Variants in KLHL29 observed in about 807,000 individuals in gnomAD.
KLHL29 encodes the protein kelch-like protein 29.
In KLHL29, 21 loss-of-function variants were observed where a neutral mutation model predicts 80.4. The ratio of observed to expected loss-of-function variants is 0.26; its 90% CI spans 0.19 to 0.38. The LOEUF (loss-of-function observed/expected upper bound fraction) is 0.38. Among genes scored for constraint, KLHL29 ranks in the 10% least tolerant of loss-of-function variants. The pLI is 1.00. For synonymous variants in KLHL29, 511 were observed against 526.8 expected (o/e 0.97, Z 0.41); for missense variants, 867 against 1,223.9 (o/e 0.71, Z 4.35).
intron 1 of KLHL29, among the ~76,000 whole-genome samples, chr2:23,392,753 G>A (rs187935487): frequency 6.6e-6 from 1 of 152,248 alleles, no homozygotes; most frequent in African/African-American, 2.4e-5. Context: ...ACCCCTATTC[G>A]TGTGTGCACA....
intron 2 of KLHL29, among the ~76,000 whole-genome samples, chr2:23,550,417 C>T (rs768003677): frequency 6.6e-6 from 1 of 152,172 alleles, no homozygotes; most frequent in Non-Finnish European, 1.5e-5. Flanking sequence ...GGCACTGGTG[C>T]TTAATGCTGG....
chr2:23,634,754 C>A (rs1252839155), intron 3 of KLHL29, among the ~76,000 whole-genome samples: 2 of 152,196 alleles, frequency 1.3e-5, no homozygotes, highest in South Asian at 4.1e-4. Context: ...ACACCCGGCC[C>A]CCATGACGTG....
chr2:23,462,951 A>G (rs543918175), intron 1 of KLHL29, among the ~76,000 whole-genome samples: 12 of 152,350 alleles, frequency 7.9e-5, no homozygotes, highest in Non-Finnish European at 1.5e-4. Context: ...CCTGGGCAAC[A>G]TAGCAAGACC....
chr2:23,552,129 G>A (rs570612568), intron 2 of KLHL29, among the ~76,000 whole-genome samples: 78 of 152,278 alleles, frequency 5.1e-4, no homozygotes, highest in Middle Eastern at 3.4e-3. Context: ...TGTTAATCAC[G>A]GGTCCTGTGT....
intron 1 of KLHL29, among the ~76,000 whole-genome samples, chr2:23,395,267 G>A (rs951996457): frequency 2.6e-5 from 4 of 152,156 alleles, no homozygotes; most frequent in African/African-American, 9.7e-5. Context: ...TGCTGTGGCC[G>A]TGACCCATGG....
chr2:23,472,037 G>A (rs1383431820), intron 1 of KLHL29, among the ~76,000 whole-genome samples: 9 of 139,704 alleles, frequency 6.4e-5, no homozygotes, highest in Non-Finnish European at 1.4e-4. Flanking sequence ...ATGAGTCAAG[G>A]ATCGTTTATA....
chr2:23,478,157 T>C (rs759693196), intron 2 of KLHL29, among the ~76,000 whole-genome samples: 2 of 152,200 alleles, frequency 1.3e-5, no homozygotes, highest in Non-Finnish European at 2.9e-5. Flanking sequence ...ATGGGAATCA[T>C]ACCTGATCTG....
chr2:23,706,519 G>A lies in KLHL29; in HGVS notation c.2483G>A (p.Gly828Asp), dbSNP rs1672735048. 4.6e-6 allele frequency: 7 copies of A among 1,535,354 alleles called. No homozygotes were observed. The highest frequency in any genetic ancestry group is 6.1e-6 in the Non-Finnish European group (7 of 1,145,998). ...GATGGCAAGATTTATGCAACTGGAG[G>A]TATTGTCAGCAGTGAAGGGCCCGCG... Reference protein sequence around the residue: ...VLDGKIYATGGIVSSEGPALG... With the variant: ...VLDGKIYATGDIVSSEGPALG... Residue 828 changes from glycine to aspartate, a missense_variant, in exon 14 of 14, where the codon GGT (glycine) becomes GAT (aspartate). By Grantham distance (94) the Gly-to-Asp change is moderately conservative. Around this residue, in one of 2 missense-constraint regions of KLHL29, gnomAD observed 443 missense variants for 767.0 expected, o/e 0.58. Transcript: ENST00000486442.
intron 1 of KLHL29, among the ~76,000 whole-genome samples, chr2:23,436,588 C>T (rs1172456266): frequency 1.3e-5 from 2 of 150,530 alleles, no homozygotes; most frequent in Non-Finnish European, 3.0e-5. Context: ...TTGTCGTTAG[C>T]AGTACAAAGC....
chr2:23,703,157 C>T, intron 11 of KLHL29, 29 bp from the exon 12 acceptor site: 1 of 1,397,984 alleles, frequency 7.2e-7, no homozygotes, highest in South Asian at 1.7e-5. Flanking sequence ...TCCATCTTGA[C>T]CCTGGGCTCT....
In KLHL29 at chr2:23,680,647, GTCTCTAGGCCATCTTCTCCTGGGC is replaced by G. The variant is rs1558436877; in HGVS notation, c.941-3735_941-3712del. 1.5e-4 allele frequency among the ~76,000 whole-genome samples: 22 copies of G among 150,086 alleles called. No homozygotes were observed. Among genetic ancestry groups the G allele is most frequent in the South Asian group, 4.3e-4 (2 of 4,664 alleles). ...GCTCTCTAGGCCATCTTCTCCTGGGGTCTCTAGGCCATCTTCTCCTGGGCTCTCTAGGCCATCTTCCCCTGGGGT... is the reference window on the plus strand; with the variant it reads ...GCTCTCTAGGCCATCTTCTCCTGGGGTCTCTAGGCCATCTTCCCCTGGGGT... On this transcript the variant is annotated intron_variant, in intron 5 of 13. Coordinates refer to ENST00000486442, the MANE Select transcript of KLHL29 (RefSeq NM_052920.2). The surrounding 1 kb of genome is among the most constrained non-coding windows in gnomAD (Gnocchi z 4.1).
intron 11 of KLHL29, among the ~76,000 whole-genome samples, chr2:23,701,387 G>A (rs1343944532): frequency 1.3e-5 from 2 of 152,178 alleles, no homozygotes; most frequent in Admixed American, 6.5e-5. Flanking sequence ...CTCTCTAGAT[G>A]CCAAATTTGA....
At chr2:23,545,827 C>T (rs552625627) in intron 2 of KLHL29, among the ~76,000 whole-genome samples, 1 of 152,324 alleles carries the variant, frequency 6.6e-6, no homozygotes, top group African/African-American at 2.4e-5. Context: ...AGGTTGGCAT[C>T]TGACACCAGA....
chr2:23,704,596 G>A (rs138215781), intron 13 of KLHL29, among the ~76,000 whole-genome samples: 35 of 152,262 alleles, frequency 2.3e-4, no homozygotes, highest in African/African-American at 7.7e-4. Context: ...GTAAAACCCC[G>A]ACTCTACTAA....
chr2:23,699,586 C>CCTGT (rs755118473), intron 11 of KLHL29, among the ~76,000 whole-genome samples: 76 of 152,312 alleles, frequency 5.0e-4, no homozygotes, highest in Admixed American at 1.4e-3. Flanking sequence ...TCCTTTCTCC[C>CCTGT]CTGTCTTGTC....
rs551261273 is a variant in KLHL29, at chr2:23,703,569, T to A, written c.2300-150T>A. The A allele has an allele frequency of 5.7e-4, 635 of 1,110,096 alleles. 1 individual carries two copies. The highest frequency in any genetic ancestry group is 4.4e-3 in the African/African-American group (279 of 63,498). The allele number at this position is 1,110,096 out of a possible 1,614,324, so 68.8% of individuals were successfully genotyped here. The stretch of plus-strand genomic sequence containing the variant: ...GGGGCAAGTGAGTCAAGGCTCCAGG[T>A]TCCCCTAGGCCCCGGACCCATCCCC... On this transcript the variant is annotated intron_variant, in intron 12 of 13. Coordinates refer to ENST00000486442, the MANE Select transcript of KLHL29 (RefSeq NM_052920.2).
intron 2 of KLHL29, among the ~76,000 whole-genome samples, chr2:23,506,362 A>G (rs1653765): frequency 0.42 from 64,173 of 152,100 alleles, 14,126 homozygotes; most frequent in Non-Finnish European, 0.46. Flanking sequence ...CACCTCTGCC[A>G]TGGAACTAAT....
intron 5 of KLHL29, chr2:23,643,059 A>C: frequency 2.8e-6 from 2 of 708,018 alleles, no homozygotes; most frequent in African/African-American, 1.7e-5. Context: ...GGGACAAACA[A>C]AGTGGGAAAA....
chr2:23,442,928 A>C lies in KLHL29; in HGVS notation c.-153-32632A>C, dbSNP rs139400047. ...GTTAAATATTTTATGGATGCCTTAC[A>C]GTCTTTCTGTTCAAGGTGGATGTTC... On this transcript the variant is annotated intron_variant, in intron 1 of 13. Transcript: ENST00000486442. 3.6e-3 allele frequency among the ~76,000 whole-genome samples: 542 copies of C among 152,320 alleles called. 4 individuals carry two copies. The highest frequency in any genetic ancestry group is 0.013 in the African/African-American group (523 of 41,586).
Sources: gnomAD v4.1 joint callset for allele counts (sites outside exome capture counted in the v4.1 genomes callset) on GRCh38, gnomAD v4.1.1 for gene constraint, gnomAD v4.1.1 regional missense constraint, Gnocchi (gnomAD v3.1) non-coding constraint, MANE v1.5 for transcripts, NCBI Gene and HGNC (gene_info 2026-07-23, HGNC 2026-07-21) for gene names.